Variants in FCRLA observed in about 807,000 individuals in gnomAD.
FCRLA encodes the protein Fc receptor-like A.
In FCRLA, 26 loss-of-function variants were observed where a neutral mutation model predicts 28.4. That is an observed-to-expected ratio of 0.91 (90% CI 0.67 to 1.27). FCRLA has a LOEUF of 1.27. Among genes scored for constraint, FCRLA ranks in the 50% most tolerant of loss-of-function variants. FCRLA has a pLI of 0.00. For missense variants in FCRLA, 422 were observed against 433.1 expected, an observed-to-expected ratio of 0.97 and a Z score of 0.23; for synonymous variants, 174 against 168.5, an observed-to-expected ratio of 1.03 and a Z score of -0.25.
chr1:161,711,322 G>A lies in FCRLA; in HGVS notation c.347G>A (p.Gly116Asp). The A allele has an allele frequency of 2.5e-6, 4 of 1,614,208 alleles. No individual in the cohort carries two copies. Among genetic ancestry groups the A allele is most frequent in the Non-Finnish European group, 3.4e-6 (4 of 1,180,028 alleles). ...ACTCAGGTGACCTTCTACCGAGATGGCTCAGCTCTGGGTCCCCCCGGGCCT... is the reference window on the plus strand; with the variant it reads ...ACTCAGGTGACCTTCTACCGAGATGACTCAGCTCTGGGTCCCCCCGGGCCT... ...PLTQVTFYRD[G>D]SALGPPGPNR... The change falls in exon 3 of 5, where the codon GGC becomes GAC. Residue 116 changes from glycine (G) to aspartate (D), a missense_variant. By Grantham distance (94) the Gly-to-Asp change is moderately conservative. Transcript: ENST00000236938.
intron 1 of FCRLA, chr1:161,710,160 A>C: frequency 2.5e-6 from 1 of 398,226 alleles, no homozygotes; most frequent in Non-Finnish European, 4.7e-6. Flanking sequence ...GAAGTAGACC[A>C]TATTTGCACA....
At chr1:161,711,184 C>T (rs1358966928) in intron 2 of FCRLA, 24 bp from the exon 3 acceptor site, 3 of 1,596,490 alleles carry the variant, frequency 1.9e-6, no homozygotes, top group Non-Finnish European at 2.6e-6. Context: ...CTGGGTGACA[C>T]TCAGCTCTTT....
rs1683215230 is a variant in FCRLA, at chr1:161,713,503, T to G, written c.*123T>G. On this transcript the variant is annotated 3_prime_UTR_variant, in exon 5 of 5. Coordinates refer to ENST00000236938, the MANE Select transcript of FCRLA (RefSeq NM_032738.4). ...AAGTTGTCCCAGTGTTTTGTTAGAA[T>G]AATGTAGTTAGGTGAGTGTAAATAA... 1.3e-6 allele frequency: 1 copy of G among 769,028 alleles called. No homozygotes were observed. Among genetic ancestry groups the G allele is most frequent in the African/African-American group, 1.8e-5 (1 of 57,126 alleles). 47.6% of individuals were successfully genotyped at this position (769,028 alleles called of 1,614,324 possible). A position where few individuals can be genotyped will look rare whatever the true frequency, so the allele number is the denominator to read the frequency against.
At position 161,713,614 on chromosome 1, in the gene FCRLA, T is replaced by A; in HGVS notation, c.*234T>A. The stretch of plus-strand genomic sequence containing the variant: ...GAATTCTGCTGTCTAGATCAGGAAT[T>A]TCTATCTGTTATATCGACCAGAATG... On this transcript the variant is annotated 3_prime_UTR_variant, in exon 5 of 5. Transcript: ENST00000236938. 1 of 445,594 alleles carries A rather than the reference T, an allele frequency of 2.2e-6. No homozygotes were observed. The highest frequency in any genetic ancestry group is 3.3e-5 in the South Asian group (1 of 30,622). The allele number at this position is 445,594 out of a possible 1,614,324, so 27.6% of individuals were successfully genotyped here. A position where few individuals can be genotyped will look rare whatever the true frequency, so the allele number is the denominator to read the frequency against.
At chr1:161,710,626 A>C (rs1055889754) in intron 1 of FCRLA, 134 bp from the exon 2 acceptor site, 56 of 1,445,448 alleles carry the variant, frequency 3.9e-5, no homozygotes, top group South Asian at 2.4e-4. Context: ...TCTTTCCGAA[A>C]AAAAAAAAGG....
chr1:161,711,294 C>G lies in FCRLA; in HGVS notation c.319C>G (p.Leu107Val), dbSNP rs1210434716. Reference sequence around the variant, plus strand: ...CTGCCAGGCCTGGCAAGACTGGCCACTGACTCAGGTGACCTTCTACCGAGA... The same window carrying G: ...CTGCCAGGCCTGGCAAGACTGGCCAGTGACTCAGGTGACCTTCTACCGAGA... ...LRCQAWQDWPLTQVTFYRDGS... is the reference protein window; with the variant it reads ...LRCQAWQDWPVTQVTFYRDGS... Residue 107 changes from leucine to valine, a missense_variant, in exon 3 of 5, where the codon CTG becomes GTG. Physicochemically the swap from Leu to Val is conservative, Grantham distance 32. Coordinates refer to ENST00000236938, the MANE Select transcript of FCRLA (RefSeq NM_032738.4). 3 of 1,614,224 alleles carry G rather than the reference C, an allele frequency of 1.9e-6. No homozygotes were observed. Among genetic ancestry groups the G allele is most frequent in the Non-Finnish European group, 2.5e-6 (3 of 1,180,040 alleles).
intron 3 of FCRLA, 144 bp from the exon 4 acceptor site, chr1:161,711,790 G>A: frequency 1.9e-6 from 2 of 1,052,292 alleles, no homozygotes; most frequent in Non-Finnish European, 2.8e-6. Flanking sequence ...GAAAGAACTT[G>A]ACAGATTCAA....
chr1:161,707,660 C>T (rs1682884463), intron 1 of FCRLA, among the ~76,000 whole-genome samples: 1 of 152,240 alleles, frequency 6.6e-6, no homozygotes, highest in Admixed American at 6.5e-5. Flanking sequence ...TCACTTCTCA[C>T]ACGCTCCTCA....
intron 1 of FCRLA, among the ~76,000 whole-genome samples, chr1:161,708,173 C>G (rs895589815): frequency 1.3e-5 from 2 of 152,130 alleles, no homozygotes; most frequent in South Asian, 4.1e-4. Flanking sequence ...CCTTTTGGCC[C>G]CTGCCTCATC....
chr1:161,710,015 G>A (rs1683017052), intron 1 of FCRLA, among the ~76,000 whole-genome samples: 3 of 152,136 alleles, frequency 2.0e-5, no homozygotes, highest in African/African-American at 7.2e-5. Flanking sequence ...CCTGCAAGGG[G>A]GAGGAAGAAA....
intron 1 of FCRLA, among the ~76,000 whole-genome samples, chr1:161,707,829 C>T (rs1242642237): frequency 1.3e-5 from 2 of 152,132 alleles, no homozygotes; most frequent in African/African-American, 2.4e-5. Flanking sequence ...TTCTCTACTA[C>T]CCTGGCTTCC....
In FCRLA at chr1:161,712,104, G is replaced by C. The variant is rs748970628; in HGVS notation, c.670G>C (p.Glu224Gln). The C allele has an allele frequency of 1.2e-6, 2 of 1,614,174 alleles. No homozygotes were observed. Among genetic ancestry groups the C allele is most frequent in the Non-Finnish European group, 1.7e-6 (2 of 1,180,024 alleles). Residue 224 changes from glutamate to glutamine, a missense_variant, in exon 4 of 5, where the codon GAA becomes CAA. Glu to Gln is a conservative substitution (Grantham distance 29). Around this residue, in one of 3 missense-constraint regions of FCRLA, gnomAD observed 185 missense variants for 198.1 expected, o/e 0.93. Coordinates refer to ENST00000236938, the MANE Select transcript of FCRLA (RefSeq NM_032738.4). ...RIVQSRGLSSEFQIPTASEDH... is the reference protein window; with the variant it reads ...RIVQSRGLSSQFQIPTASEDH... ...AGTGCAAAGCAGGGGGCTCTCCTCAGAATTCCAGATCCCCACAGCTTCAGA... is the reference window on the plus strand; with the variant it reads ...AGTGCAAAGCAGGGGGCTCTCCTCACAATTCCAGATCCCCACAGCTTCAGA...
In FCRLA at chr1:161,713,594, C is replaced by T. The variant is rs1010302133; in HGVS notation, c.*214C>T. On this transcript the variant is annotated 3_prime_UTR_variant, in exon 5 of 5. Coordinates refer to ENST00000236938, the MANE Select transcript of FCRLA (RefSeq NM_032738.4). ...TATTCTCTCTTAACACAACAGAATTCTGCTGTCTAGATCAGGAATTTCTAT... is the reference window on the plus strand; with the variant it reads ...TATTCTCTCTTAACACAACAGAATTTTGCTGTCTAGATCAGGAATTTCTAT... 8 of 497,934 alleles carry T rather than the reference C, an allele frequency of 1.6e-5. No individual in the cohort carries two copies. The highest frequency in any genetic ancestry group is 1.5e-4 in the Admixed American group (4 of 26,332). 30.8% of individuals were successfully genotyped at this position (497,934 alleles called of 1,614,324 possible). A position where few individuals can be genotyped will look rare whatever the true frequency, so the allele number is the denominator to read the frequency against.
Position 161,711,314 on chromosome 1 carries a change from C to T in FCRLA, c.339C>T (p.Tyr113=), listed in dbSNP as rs148028138. The part of the protein sequence containing the change: ...QDWPLTQVTF[Y]RDGSALGPPG... ...GGCCACTGACTCAGGTGACCTTCTA[C>T]CGAGATGGCTCAGCTCTGGGTCCCC... is the stretch of plus-strand genomic sequence containing the variant. Residue 113 remains tyrosine (Y), a synonymous_variant, in exon 3 of 5, where the codon TAC becomes TAT. Transcript: ENST00000236938. 5 of 1,614,216 alleles carry T rather than the reference C, an allele frequency of 3.1e-6. No individual in the cohort carries two copies. The highest frequency in any genetic ancestry group is 2.2e-5 in the East Asian group (1 of 44,882).
intron 1 of FCRLA, 198 bp from the exon 2 acceptor site, chr1:161,710,562 C>T: frequency 2.0e-6 from 3 of 1,505,222 alleles, no homozygotes; most frequent in South Asian, 1.2e-5. Context: ...GCTGAGAGCA[C>T]CTGGACGCCA....
chr1:161,708,375 C>T (rs899820582), intron 1 of FCRLA, among the ~76,000 whole-genome samples: 1 of 152,206 alleles, frequency 6.6e-6, no homozygotes, highest in Non-Finnish European at 1.5e-5. Context: ...TCACTAATGT[C>T]TTAGGACAAG....
chr1:161,708,941 A>G (rs1328052050), intron 1 of FCRLA, among the ~76,000 whole-genome samples: 1 of 152,158 alleles, frequency 6.6e-6, no homozygotes, highest in Non-Finnish European at 1.5e-5. Flanking sequence ...TCTTGTGATA[A>G]GAACTGCAGA....
chr1:161,710,648 T>C lies in FCRLA; in HGVS notation c.80-112T>C, dbSNP rs1399204935. 3.4e-6 allele frequency: 5 copies of C among 1,479,812 alleles called. No individual in the cohort carries two copies. In the South Asian group the frequency reaches 3.5e-5, roughly 10 times the overall value. The allele number at this position is 1,479,812 out of a possible 1,614,324, so 91.7% of individuals were successfully genotyped here. On this transcript the variant is annotated intron_variant, in intron 1 of 4. Transcript: ENST00000236938. ...GAAAAAAAAAAAGGTTTTGATGTCTTACTAGTCTCATTCTAAAAAGGATGA... is the reference window on the plus strand; with the variant it reads ...GAAAAAAAAAAAGGTTTTGATGTCTCACTAGTCTCATTCTAAAAAGGATGA...
At position 161,710,891 on chromosome 1, in the gene FCRLA, T is replaced by G; in HGVS notation, c.211T>G (p.Phe71Val). 6.2e-7 allele frequency: 1 copy of G among 1,613,226 alleles called. No individual in the cohort carries two copies. The change falls in exon 2 of 5, where the codon TTC becomes GTC. Residue 71 changes from phenylalanine to valine, a missense_variant. Around this residue, in one of 3 missense-constraint regions of FCRLA, gnomAD observed 231 missense variants for 214.6 expected, o/e 1.08. Coordinates refer to ENST00000236938, the MANE Select transcript of FCRLA (RefSeq NM_032738.4). ...QVKAYTFSEP[F>V]HLIVSYDWLI... is the part of the protein sequence containing the mutation. Reference sequence around the variant, plus strand: ...CAAGGCCTACACTTTCAGTGAACCCTTCCACCTGATTGTGTCCTATGGTGA... The same window carrying G: ...CAAGGCCTACACTTTCAGTGAACCCGTCCACCTGATTGTGTCCTATGGTGA...
Sources: allele counts gnomAD v4.1 joint callset (sites outside exome capture counted in the v4.1 genomes callset), GRCh38; gene constraint gnomAD v4.1.1; regional missense constraint gnomAD v4.1.1; transcripts MANE v1.5; gene names NCBI Gene and HGNC (gene_info 2026-07-23, HGNC 2026-07-21).